Variants in ZNF12 observed in about 807,000 individuals in gnomAD.
ZNF12 encodes the protein gonadotropin inducible transcription repressor 3.
ZNF12 carries 34 observed loss-of-function variants against 66.6 expected under a neutral mutation model. The ratio of observed to expected loss-of-function variants is 0.51; its 90% confidence interval spans 0.39 to 0.68. The LOEUF is 0.68. ZNF12 is among the 30% of genes least tolerant of loss of function. The probability of loss-of-function intolerance (pLI) is 0.00; values close to 1 mark genes in which losing one functional copy is unlikely to be tolerated. For missense variants in ZNF12, 697 were observed against 826.9 expected, an observed-to-expected ratio of 0.84 and a Z score of 1.93; for synonymous variants, 320 against 278.9, an observed-to-expected ratio of 1.15 and a Z score of -1.47.
At chr7:6,701,832 G>C (rs1216069060) in intron 2 of ZNF12, among the ~76,000 whole-genome samples, 2 of 151,010 alleles carry the variant, frequency 1.3e-5, no homozygotes, top group Non-Finnish European at 2.9e-5. Flanking sequence ...ATTCTCGACA[G>C]AATCACCCCA....
At position 6,692,206 on chromosome 7, in the gene ZNF12, A is replaced by G. The variant is rs775799044; in HGVS notation, c.736T>C (p.Ser246Pro). The change falls in exon 5 of 5, where the codon TCT (serine) becomes CCT (proline). Residue 246 changes from serine (S) to proline (P), a missense_variant. Physicochemically the swap from Ser to Pro is moderately conservative, Grantham distance 74. Around this residue, in one of 3 missense-constraint regions of ZNF12, gnomAD observed 241 missense variants for 224.0 expected, o/e 1.08. Transcript: ENST00000405858. This position sits in a 1 kb window ranked among gnomAD's most constrained non-coding sequence, Gnocchi z 5.1. Reference sequence around the variant, plus strand: ...GACATCTGGAGAAAGGCTATTTCAGATCCATTCCACTTATAGGGCTTTTCT... The same window carrying G: ...GACATCTGGAGAAAGGCTATTTCAGGTCCATTCCACTTATAGGGCTTTTCT... Reference protein sequence around the residue: ...MEEKPYKWNGSEIAFLQMSDL... With the variant: ...MEEKPYKWNGPEIAFLQMSDL... 6.2e-7 allele frequency: 1 copy of G among 1,614,036 alleles called. No homozygotes were observed. The highest frequency in any genetic ancestry group is 8.5e-7 in the Non-Finnish European group (1 of 1,179,904).
At chr7:6,704,946 A>C (rs1417505395) in intron 2 of ZNF12, among the ~76,000 whole-genome samples, 1 of 152,136 alleles carries the variant, frequency 6.6e-6, no homozygotes, top group Non-Finnish European at 1.5e-5. Context: ...AGAACATAAG[A>C]CGCTTGTACT....
intron 2 of ZNF12, among the ~76,000 whole-genome samples, chr7:6,703,039 T>TACACACAC (rs10548883): frequency 5.2e-5 from 7 of 133,618 alleles, no homozygotes; most frequent in Non-Finnish European, 1.1e-4. Flanking sequence ...GCTCCCAAAC[T>TACACACAC]ACACACACAC....
At chr7:6,702,437 CCAG>C (rs1562602161) in intron 2 of ZNF12, among the ~76,000 whole-genome samples, 3 of 68,954 alleles carry the variant, frequency 4.4e-5, no homozygotes, top group Non-Finnish European at 6.1e-5. Context: ...CGCACACACA[CCAG>C]ATTCATCTCC....
chr7:6,695,975 C>T (rs1425191537), intron 4 of ZNF12, among the ~76,000 whole-genome samples: 6 of 152,140 alleles, frequency 3.9e-5, no homozygotes, highest in African/African-American at 1.4e-4. Flanking sequence ...GGGGAAACAA[C>T]AGAAAATTAC....
Position 6,690,697 on chromosome 7 carries a change from T to G in ZNF12, c.*151A>C. On this transcript the variant is annotated 3_prime_UTR_variant, in exon 5 of 5. Coordinates refer to ENST00000405858, the MANE Select transcript of ZNF12 (RefSeq NM_016265.4). The stretch of plus-strand genomic sequence containing the variant: ...GTCTTGTTATAATCATGGTTTCCAT[T>G]CTGTGAGTCTTCAGATTATGAGTCC... 1.3e-6 allele frequency: 1 copy of G among 751,028 alleles called. No homozygotes were observed. Among genetic ancestry groups the G allele is most frequent in the Non-Finnish European group, 2.1e-6 (1 of 482,052 alleles). 46.5% of individuals were successfully genotyped at this position (751,028 alleles called of 1,614,324 possible).
chr7:6,695,232 A>C (rs1005098571), intron 4 of ZNF12, among the ~76,000 whole-genome samples: 9 of 152,088 alleles, frequency 5.9e-5, no homozygotes, highest in African/African-American at 1.9e-4. Context: ...TCTTTTCCTA[A>C]CCACAACCTT....
rs1412004325 is a variant in ZNF12 at position 6,689,832 on chromosome 7, G to GA, written c.*1015dup. The GA allele has an allele frequency of 6.6e-6, 1 of 152,608 alleles. No homozygotes were observed. The highest frequency in any genetic ancestry group is 1.5e-5 in the Non-Finnish European group (1 of 68,038). The allele number at this position is 152,608 out of a possible 1,614,324, so 9.5% of individuals were successfully genotyped here. On this transcript the variant is annotated 3_prime_UTR_variant, in exon 5 of 5. Transcript: ENST00000405858. ...GTACGACATCAAATGAAAACACAGT[G>GA]AATTCCTATGTTACACAGCATTGTG...
chr7:6,697,843 C>T lies in ZNF12; in HGVS notation c.16-32G>A, dbSNP rs189244413. On this transcript the variant is annotated intron_variant, in intron 2 of 4. Transcript: ENST00000405858. The surrounding 1 kb of genome is among the most constrained non-coding windows in gnomAD (Gnocchi z 6.1). ...TGGCACCGTGATTGGAATTGGGTGA[C>T]GTGAAATAGGCACATAGGTACAAGA... The T allele has an allele frequency of 4.3e-5, 69 of 1,613,710 alleles. No individual in the cohort carries two copies. The highest frequency in any genetic ancestry group is 5.5e-5 in the Non-Finnish European group (65 of 1,179,920).
rs1166672933 is a variant in ZNF12, at chr7:6,690,234, T to C, written c.*614A>G. 6.6e-6 allele frequency: 1 copy of C among 152,082 alleles called. No homozygotes were observed. The highest frequency in any genetic ancestry group is 1.5e-5 in the Non-Finnish European group (1 of 68,046). The allele number at this position is 152,082 out of a possible 1,614,324, so 9.4% of individuals were successfully genotyped here. A position where few individuals can be genotyped will look rare whatever the true frequency, so the allele number is the denominator to read the frequency against. On this transcript the variant is annotated 3_prime_UTR_variant, in exon 5 of 5. Coordinates refer to ENST00000405858, the MANE Select transcript of ZNF12 (RefSeq NM_016265.4). ...TACTCTTACTATATGAATTACAAAA[T>C]AAGGATACAACGTTTTTTCAAACAT...
At chr7:6,699,206 A>C (rs1375561674) in intron 2 of ZNF12, among the ~76,000 whole-genome samples, 1 of 152,176 alleles carries the variant, frequency 6.6e-6, no homozygotes, top group African/African-American at 2.4e-5. Flanking sequence ...GAAGGTGTGG[A>C]AGGAAAGGCC....
Position 6,692,190 on chromosome 7 carries a change from A to C in ZNF12, c.752T>G (p.Leu251Arg). 1 of 1,614,066 alleles carries C rather than the reference A, an allele frequency of 6.2e-7. No homozygotes were observed. ...YKWNGSEIAF[L>R]QMSDLTVHQT... ...ATGTACAGTGAGGTCCGACATCTGGAGAAAGGCTATTTCAGATCCATTCCA... is the reference window on the plus strand; with the variant it reads ...ATGTACAGTGAGGTCCGACATCTGGCGAAAGGCTATTTCAGATCCATTCCA... The change falls in exon 5 of 5, where the codon CTC becomes CGC. Residue 251 changes from leucine (L) to arginine (R), a missense_variant. By Grantham distance (102) the Leu-to-Arg change is moderately radical. Around this residue, in one of 3 missense-constraint regions of ZNF12, gnomAD observed 241 missense variants for 224.0 expected, o/e 1.08. Coordinates refer to ENST00000405858, the MANE Select transcript of ZNF12 (RefSeq NM_016265.4). This position sits in a 1 kb window ranked among gnomAD's most constrained non-coding sequence, Gnocchi z 5.1.
intron 2 of ZNF12, among the ~76,000 whole-genome samples, chr7:6,700,004 G>T (rs1038803574): frequency 6.6e-6 from 1 of 151,514 alleles, no homozygotes; most frequent in East Asian, 1.9e-4. Flanking sequence ...TGCCAGGGAC[G>T]GCCGGGCGTG....
intron 2 of ZNF12, among the ~76,000 whole-genome samples, chr7:6,703,273 T>C (rs2115356326): frequency 6.6e-6 from 1 of 152,278 alleles, no homozygotes; most frequent in Middle Eastern, 3.4e-3. Flanking sequence ...TGATGAACAC[T>C]TCAGGAGAAA....
intron 2 of ZNF12, among the ~76,000 whole-genome samples, chr7:6,701,473 G>A (rs1780241917): frequency 6.6e-6 from 1 of 152,170 alleles, no homozygotes; most frequent in Non-Finnish European, 1.5e-5. Context: ...ATCGCTTTCA[G>A]CTGAGAAACA....
Position 6,697,267 on chromosome 7 carries a change from C to T in ZNF12, c.238+72G>A, listed in dbSNP as rs1001136407. 14 of 1,187,320 alleles carry T rather than the reference C, an allele frequency of 1.2e-5. No homozygotes were observed. The highest frequency in any genetic ancestry group is 6.3e-5 in the Admixed American group (3 of 47,854). The allele number at this position is 1,187,320 out of a possible 1,614,324, so 73.5% of individuals were successfully genotyped here. A position where few individuals can be genotyped will look rare whatever the true frequency, so the allele number is the denominator to read the frequency against. On this transcript the variant is annotated intron_variant, in intron 4 of 4. Transcript: ENST00000405858. This position sits in a 1 kb window ranked among gnomAD's most constrained non-coding sequence, Gnocchi z 6.1. The stretch of plus-strand genomic sequence containing the variant: ...CTATTTCTAGTCACTTCTAAAGGTT[C>T]GGGACCATTAAAAAATCCCTGGGAA...
intron 2 of ZNF12, among the ~76,000 whole-genome samples, chr7:6,699,611 G>A (rs921505344): frequency 1.4e-4 from 21 of 152,230 alleles, no homozygotes; most frequent in Admixed American, 5.9e-4. Flanking sequence ...AGGATCGGGA[G>A]AGTCTCGAAG....
rs1451858026 is a variant in ZNF12, at chr7:6,689,659, C to T, written c.*1189G>A. The T allele has an allele frequency of 2.6e-5, 4 of 152,724 alleles. No individual in the cohort carries two copies. Among genetic ancestry groups the T allele is most frequent in the South Asian group, 2.1e-4 (1 of 4,824 alleles). 9.5% of individuals were successfully genotyped at this position (152,724 alleles called of 1,614,324 possible). A position where few individuals can be genotyped will look rare whatever the true frequency, so the allele number is the denominator to read the frequency against. On this transcript the variant is annotated 3_prime_UTR_variant, in exon 5 of 5. Coordinates refer to ENST00000405858, the MANE Select transcript of ZNF12 (RefSeq NM_016265.4). ...AATTCATTAACAGGAAGGAGTAGAG[C>T]ACAAGGTTTAAAACCAGTACGACAT... is the stretch of plus-strand genomic sequence containing the variant.
Position 6,691,583 on chromosome 7 carries a change from A to C in ZNF12, c.1359T>G (p.Thr453=). The C allele has an allele frequency of 6.2e-7, 1 of 1,614,112 alleles. No individual in the cohort carries two copies. Among genetic ancestry groups the C allele is most frequent in the Non-Finnish European group, 8.5e-7 (1 of 1,179,962 alleles). Residue 453 remains threonine, a synonymous_variant, in exon 5 of 5, where the codon ACT becomes ACG. Transcript: ENST00000405858. ...CTCCTGAATGAGTTCTATAATGTAC[A>C]GTGAGATATGACAACCGAGAGAAGA... ...GKFFSRLSYL[T]VHYRTHSGEK...
Sources: gnomAD v4.1 joint callset for allele counts (sites outside exome capture counted in the v4.1 genomes callset) on GRCh38, gnomAD v4.1.1 for gene constraint, gnomAD v4.1.1 regional missense constraint, Gnocchi (gnomAD v3.1) non-coding constraint, MANE v1.5 for transcripts, NCBI Gene and HGNC (gene_info 2026-07-23, HGNC 2026-07-21) for gene names.